The following CADPS variants were observed in gnomAD, a reference collection of about 807,000 sequenced individuals.
CADPS encodes calcium dependent secretion activator.
Under a neutral mutation model 167.3 loss-of-function variants are expected in CADPS, and 57 were observed. The ratio of observed to expected loss-of-function variants is 0.34; its 90% confidence interval spans 0.28 to 0.42. The LOEUF (loss-of-function observed/expected upper bound fraction) is 0.42. Ranked by LOEUF, CADPS falls within the 20% of genes least tolerant of loss-of-function variation. CADPS has a pLI of 1.00. For missense variants in CADPS, 1,414 were observed against 1,738.1 expected (o/e 0.81, Z 3.32); for synonymous variants, 676 against 635.3 (o/e 1.06, Z -0.96).
intron 3 of CADPS, among the ~76,000 whole-genome samples, chr3:62,731,429 A>C (rs896888241): frequency 8.5e-5 from 13 of 152,172 alleles, no homozygotes; most frequent in Non-Finnish European, 1.5e-4. Flanking sequence ...TCTCAAATTC[A>C]GTATCATGTG....
chr3:62,457,099 T>C (rs1357583983), intron 26 of CADPS, among the ~76,000 whole-genome samples: 1 of 152,224 alleles, frequency 6.6e-6, no homozygotes, highest in Non-Finnish European at 1.5e-5. Context: ...CAGCAGTGGC[T>C]GATTGAGTAG....
chr3:62,417,376 C>T (rs2050336751), intron 28 of CADPS, among the ~76,000 whole-genome samples: 1 of 146,612 alleles, frequency 6.8e-6, no homozygotes, highest in Non-Finnish European at 1.5e-5. Context: ...CCTCTGCCTC[C>T]CAGGTTCAAG....
intron 13 of CADPS, among the ~76,000 whole-genome samples, chr3:62,519,083 A>G (rs941331445): frequency 6.6e-6 from 1 of 152,124 alleles, no homozygotes; most frequent in African/African-American, 2.4e-5. Flanking sequence ...TAAAGGGAGG[A>G]TACATATTTA....
chr3:62,457,198 T>C (rs1204975830), intron 26 of CADPS, among the ~76,000 whole-genome samples: 1 of 152,212 alleles, frequency 6.6e-6, no homozygotes, highest in Admixed American at 6.5e-5. Context: ...CTTACTCCAA[T>C]CCACCATTTT....
At chr3:62,613,807 A>T (rs2061849611) in intron 6 of CADPS, among the ~76,000 whole-genome samples, 1 of 152,164 alleles carries the variant, frequency 6.6e-6, no homozygotes, top group South Asian at 2.1e-4. Flanking sequence ...CAATAATCAG[A>T]CCAATTAAGA....
chr3:62,516,610 A>T lies in CADPS; in HGVS notation c.2427T>A (p.Ala809=). 6.2e-7 allele frequency: 1 copy of T among 1,606,024 alleles called. No homozygotes were observed. Among genetic ancestry groups the T allele is most frequent in the African/African-American group, 1.3e-5 (1 of 74,872 alleles). Residue 809 remains alanine, a synonymous_variant, in exon 15 of 30, where the codon GCT becomes GCA. Transcript: ENST00000383710. ...CCAAGAGTGAGAGAGTAGCTTTCAA[A>T]GCACCTTCAGGTCGACCAAATGGAA... is the stretch of plus-strand genomic sequence containing the variant. The part of the protein sequence containing the change: ...YCFPFGRPEG[A]LKATLSLLER...
chr3:62,486,444 CA>C (rs1219097343), intron 21 of CADPS, among the ~76,000 whole-genome samples: 11,300 of 63,876 alleles, frequency 0.18, 429 homozygotes, highest in African/African-American at 0.35. Context: ...GACTCCGTCT[CA>C]AAAAAAAAAA....
At chr3:62,403,246 G>C (rs575682176) in intron 28 of CADPS, 61 bp from the exon 29 acceptor site, 1 of 1,139,236 alleles carries the variant, frequency 8.8e-7, no homozygotes, top group East Asian at 2.4e-5. Context: ...AGGGCAGAGA[G>C]AGAGCAGGCA....
intron 1 of CADPS, among the ~76,000 whole-genome samples, chr3:62,809,604 C>T (rs1483708330): frequency 6.6e-6 from 1 of 152,158 alleles, no homozygotes; most frequent in East Asian, 1.9e-4. Context: ...TGTTGCATCA[C>T]CCAGCTTTAA....
rs1359584840 is a variant in CADPS at position 62,572,129 on chromosome 3, T to A, written c.1578-1191A>T. Among the ~76,000 whole-genome samples, 5 of 152,312 alleles carry A rather than the reference T, an allele frequency of 3.3e-5. No homozygotes were observed. The South Asian group carries it at 1.0e-3, about 32-fold the overall frequency. ...CAGACAGAATTTCTGCTTTGGAACATAATGAAGAATGCACCTAATTAAAAT... is the reference window on the plus strand; with the variant it reads ...CAGACAGAATTTCTGCTTTGGAACAAAATGAAGAATGCACCTAATTAAAAT... On this transcript the variant is annotated intron_variant, in intron 8 of 29. Transcript: ENST00000383710.
At chr3:62,475,105 T>C (rs1281107656) in intron 23 of CADPS, among the ~76,000 whole-genome samples, 1 of 152,218 alleles carries the variant, frequency 6.6e-6, no homozygotes, top group Non-Finnish European at 1.5e-5. Flanking sequence ...ATTCAAGAAT[T>C]GTGTGATGGT....
intron 1 of CADPS, among the ~76,000 whole-genome samples, chr3:62,780,720 A>C (rs1041673490): frequency 1.3e-5 from 2 of 152,136 alleles, no homozygotes; most frequent in Admixed American, 6.5e-5. Context: ...TTTGAATATA[A>C]CTCAGCAAAC....
intron 7 of CADPS, among the ~76,000 whole-genome samples, chr3:62,587,158 C>T (rs913252284): frequency 6.6e-6 from 1 of 152,212 alleles, no homozygotes; most frequent in Admixed American, 6.5e-5. Context: ...GCTTGCATTG[C>T]TAGTACTACC....
chr3:62,796,667 T>C (rs1022854586), intron 1 of CADPS, among the ~76,000 whole-genome samples: 1 of 152,178 alleles, frequency 6.6e-6, no homozygotes, highest in Admixed American at 6.5e-5. Flanking sequence ...AACTAAGAGA[T>C]GATTTCACTC....
chr3:62,486,209 G>A (rs934755576), intron 21 of CADPS, among the ~76,000 whole-genome samples: 5 of 152,104 alleles, frequency 3.3e-5, no homozygotes, highest in African/African-American at 9.7e-5. Context: ...CACTTTGGGA[G>A]GCCAAGGCTG....
At chr3:62,698,911 T>A (rs1356446971) in intron 3 of CADPS, among the ~76,000 whole-genome samples, 3 of 151,446 alleles carry the variant, frequency 2.0e-5, no homozygotes, top group Admixed American at 6.6e-5. Flanking sequence ...AGCTATTTTT[T>A]TTAAAATTTC....
intron 6 of CADPS, among the ~76,000 whole-genome samples, chr3:62,603,714 C>T (rs560780566): frequency 3.9e-5 from 6 of 152,310 alleles, no homozygotes; most frequent in African/African-American, 1.4e-4. Flanking sequence ...CCTCTTCTTG[C>T]ACTTTTTCCA....
intron 28 of CADPS, among the ~76,000 whole-genome samples, chr3:62,430,737 C>A (rs2149599013): frequency 6.6e-6 from 1 of 151,934 alleles, no homozygotes; most frequent in Middle Eastern, 3.4e-3. Flanking sequence ...CGTTACGTAA[C>A]AATATTTAGT....
At chr3:62,830,307 G>C (rs2074848457) in intron 1 of CADPS, among the ~76,000 whole-genome samples, 1 of 152,068 alleles carries the variant, frequency 6.6e-6, no homozygotes. Flanking sequence ...TCCGGGTTTT[G>C]ACATTTTTAC....
Sources: allele counts gnomAD v4.1 joint callset (sites outside exome capture counted in the v4.1 genomes callset), GRCh38; gene constraint gnomAD v4.1.1; transcripts MANE v1.5; gene names NCBI Gene and HGNC (gene_info 2026-07-23, HGNC 2026-07-21).